The following SRP9 variants were observed in gnomAD, a reference collection of about 807,000 sequenced individuals.
SRP9 encodes the protein signal recognition particle 9 kDa protein.
In SRP9, 2 loss-of-function variants were observed where a neutral mutation model predicts 11.7. That is an observed-to-expected ratio of 0.17 (90% CI 0.07 to 0.54). The LOEUF (loss-of-function observed/expected upper bound fraction) is 0.54, where lower values mean the gene tolerates loss of function less well. Among genes scored for constraint, SRP9 ranks in the 20% least tolerant of loss-of-function variants. The pLI, the probability that SRP9 is intolerant of heterozygous loss-of-function variation, is 0.94. For missense variants in SRP9, 54 were observed against 108.1 expected (o/e 0.50, Z 2.22); for synonymous variants, 27 against 35.6 (o/e 0.76, Z 0.86).
chr1:225,781,912 C>T (rs1483296238), intron 1 of SRP9, among the ~76,000 whole-genome samples: 1 of 151,970 alleles, frequency 6.6e-6, no homozygotes, highest in Non-Finnish European at 1.5e-5. Context: ...ACTATTTATA[C>T]CTGCTTAAAT....
At chr1:225,786,555 A>G (rs763822695) in intron 2 of SRP9, among the ~76,000 whole-genome samples, 4 of 152,224 alleles carry the variant, frequency 2.6e-5, no homozygotes, top group Admixed American at 6.5e-5. Flanking sequence ...CATGTCTTCT[A>G]AGAACCAATT....
intron 2 of SRP9, among the ~76,000 whole-genome samples, chr1:225,785,071 A>G (rs1665878113): frequency 6.6e-6 from 1 of 151,860 alleles, no homozygotes; most frequent in Non-Finnish European, 1.5e-5. Context: ...CACAGTGCAC[A>G]GCCCAGAGTG....
rs1360116250 is a variant in SRP9, at chr1:225,790,200, CTT to C, written c.*843_*844del. 3.3e-5 allele frequency: 5 copies of C among 152,190 alleles called. No homozygotes were observed. The highest frequency in any genetic ancestry group is 1.2e-4 in the African/African-American group (5 of 41,446). The allele number at this position is 152,190 out of a possible 1,614,324, so 9.4% of individuals were successfully genotyped here. A position where few individuals can be genotyped will look rare whatever the true frequency, so the allele number is the denominator to read the frequency against. Reference sequence around the variant, plus strand: ...TGTGACACCCCTGCCCATTTTCTGTCTTTAATTAACCAAGGTGTTAGGTGTGA... The same window carrying C: ...TGTGACACCCCTGCCCATTTTCTGTCTAATTAACCAAGGTGTTAGGTGTGA... On this transcript the variant is annotated 3_prime_UTR_variant, in exon 3 of 3. Coordinates refer to ENST00000304786, the MANE Select transcript of SRP9 (RefSeq NM_003133.6).
intron 2 of SRP9, 54 bp downstream of exon 2, chr1:225,783,422 TTTG>T (rs1449859830): frequency 2.1e-6 from 3 of 1,414,982 alleles, no homozygotes; most frequent in African/African-American, 1.4e-5. Context: ...GAGTTAATTA[TTTG>T]TTTGAAATTA....
In SRP9 at chr1:225,777,991, T is replaced by C. The variant is rs762477122; in HGVS notation, c.51T>C (p.Leu17=). ...WEEFSRAAEK[L]YLADPMKARV... is the part of the protein sequence containing the mutation. ...AGTTCAGCCGCGCTGCCGAGAAGCT[T>C]TACCTCGCTGACCCTATGAAGGTAA... Residue 17 remains leucine (L), a synonymous_variant, in exon 1 of 3, where the codon CTT becomes CTC. Transcript: ENST00000304786. 6.8e-6 allele frequency: 11 copies of C among 1,614,088 alleles called. No individual in the cohort carries two copies. The South Asian group carries it at 7.7e-5, about 11-fold the overall frequency.
At chr1:225,779,388 C>T (rs1319969321) in intron 1 of SRP9, among the ~76,000 whole-genome samples, 2 of 152,142 alleles carry the variant, frequency 1.3e-5, no homozygotes, top group Non-Finnish European at 2.9e-5. Flanking sequence ...TCGTGATCCA[C>T]CCGCGTTGGC....
Position 225,788,666 on chromosome 1 carries a change from G to A in SRP9, c.142-574G>A, listed in dbSNP as rs531127322. On this transcript the variant is annotated intron_variant, in intron 2 of 2. Coordinates refer to ENST00000304786, the MANE Select transcript of SRP9 (RefSeq NM_003133.6). ...GCTGACCTGGTGGTCCGCCTGCCTCGGCCTCCCAGAGTGCTGGGATTACAG... is the reference window on the plus strand; with the variant it reads ...GCTGACCTGGTGGTCCGCCTGCCTCAGCCTCCCAGAGTGCTGGGATTACAG... 1.4e-4 allele frequency among the ~76,000 whole-genome samples: 21 copies of A among 152,066 alleles called. No individual in the cohort carries two copies. In the East Asian group the frequency reaches 3.5e-3, roughly 25 times the overall value.
At chr1:225,782,403 A>T (rs973858050) in intron 1 of SRP9, among the ~76,000 whole-genome samples, 1 of 151,970 alleles carries the variant, frequency 6.6e-6, no homozygotes, top group African/African-American at 2.4e-5. Context: ...TGACTTTATG[A>T]TCCACCCGCC....
intron 2 of SRP9, among the ~76,000 whole-genome samples, chr1:225,787,340 C>G (rs1665939263): frequency 6.6e-6 from 1 of 152,046 alleles, no homozygotes; most frequent in Non-Finnish European, 1.5e-5. Flanking sequence ...CGAGACCAGC[C>G]TGACCAACAC....
At chr1:225,781,692 A>C (rs148639455) in intron 1 of SRP9, among the ~76,000 whole-genome samples, 2 of 152,266 alleles carry the variant, frequency 1.3e-5, no homozygotes, top group East Asian at 3.9e-4. Flanking sequence ...CACTGCACCC[A>C]GCCATGATTG....
chr1:225,785,895 C>G (rs957026005), intron 2 of SRP9, among the ~76,000 whole-genome samples: 1 of 151,976 alleles, frequency 6.6e-6, no homozygotes, highest in African/African-American at 2.4e-5. Context: ...GTCGCCCAGG[C>G]GGCTGGAGTT....
intron 2 of SRP9, chr1:225,786,939 C>CT (rs1315830958): frequency 3.0e-6 from 2 of 655,866 alleles, no homozygotes; most frequent in African/African-American, 3.8e-5. Context: ...ACCTCCTGGG[C>CT]TCAAGCGGTC....
At chr1:225,783,157 C>A (rs949109182) in intron 1 of SRP9, 143 bp from the exon 2 acceptor site, 24 of 539,284 alleles carry the variant, frequency 4.5e-5, no homozygotes, top group Non-Finnish European at 7.1e-5. Context: ...AACTTCATTT[C>A]GGTTTAGTTT....
Position 225,789,263 on chromosome 1 carries a change from A to T in SRP9, c.165A>T (p.Gln55His), listed in dbSNP as rs1392460130. 1 of 1,610,658 alleles carries T rather than the reference A, an allele frequency of 6.2e-7. No homozygotes were observed. Among genetic ancestry groups the T allele is most frequent in the East Asian group, 2.2e-5 (1 of 44,842 alleles). Residue 55 changes from glutamine (Q) to histidine (H), a missense_variant, in exon 3 of 3, where the codon CAA becomes CAT. Physicochemically the swap from Gln to His is conservative, Grantham distance 24. Transcript: ENST00000304786. ...DLVCLVYKTDQAQDVKKIEKF... is the reference protein window; with the variant it reads ...DLVCLVYKTDHAQDVKKIEKF... ...AGTGTTTGGTGTATAAAACAGACCA[A>T]GCTCAAGATGTAAAGAAGATTGAGA...
intron 2 of SRP9, among the ~76,000 whole-genome samples, chr1:225,788,220 C>T (rs1436121229): frequency 6.6e-6 from 1 of 151,934 alleles, no homozygotes; most frequent in Non-Finnish European, 1.5e-5. Flanking sequence ...CATGGAGAAA[C>T]CCCGTCTCTA....
intron 2 of SRP9, among the ~76,000 whole-genome samples, chr1:225,784,660 T>G (rs11805098): frequency 6.6e-6 from 1 of 151,624 alleles, no homozygotes; most frequent in Non-Finnish European, 1.5e-5. Context: ...GCTAACACGG[T>G]GAAACCCCAT....
intron 2 of SRP9, among the ~76,000 whole-genome samples, chr1:225,784,614 G>A (rs1665863146): frequency 6.6e-6 from 1 of 151,752 alleles, no homozygotes; most frequent in Non-Finnish European, 1.5e-5. Context: ...AGGTCAAGTG[G>A]GCAGATCACA....
rs1665717227 is a variant in SRP9, at chr1:225,777,974, C to T, written c.34C>T (p.Arg12Cys). 6.2e-7 allele frequency: 1 copy of T among 1,614,200 alleles called. No homozygotes were observed. Residue 12 changes from arginine (R) to cysteine (C), a missense_variant, in exon 1 of 3, where the codon CGC (arginine) becomes TGC (cysteine). Coordinates refer to ENST00000304786, the MANE Select transcript of SRP9 (RefSeq NM_003133.6). Reference sequence around the variant, plus strand: ...GTACCAGACCTGGGAGGAGTTCAGCCGCGCTGCCGAGAAGCTTTACCTCGC... The same window carrying T: ...GTACCAGACCTGGGAGGAGTTCAGCTGCGCTGCCGAGAAGCTTTACCTCGC... Reference protein sequence around the residue: ...PQYQTWEEFSRAAEKLYLADP... With the variant: ...PQYQTWEEFSCAAEKLYLADP...
chr1:225,785,041 C>T (rs926906617), intron 2 of SRP9, among the ~76,000 whole-genome samples: 2 of 151,848 alleles, frequency 1.3e-5, no homozygotes, highest in Non-Finnish European at 2.9e-5. Flanking sequence ...TCCCAAGTTG[C>T]TGGGATTACA....
Sources: allele counts gnomAD v4.1 joint callset (sites outside exome capture counted in the v4.1 genomes callset), GRCh38; gene constraint gnomAD v4.1.1; transcripts MANE v1.5; gene names NCBI Gene and HGNC (gene_info 2026-07-23, HGNC 2026-07-21).